CSMD1: variants seen among roughly 807,000 people sequenced by gnomAD.
CSMD1 encodes CUB and Sushi multiple domains 1, also known as CUB and sushi domain-containing protein 1.
Under a neutral mutation model 417.5 loss-of-function variants are expected in CSMD1, and 213 were observed. The observed-to-expected ratio is 0.51, with a 90% CI of 0.46 to 0.57. The LOEUF is 0.57. Ranked by LOEUF, CSMD1 falls within the 20% of genes least tolerant of loss-of-function variation. The probability of loss-of-function intolerance (pLI) is 0.00; values close to 1 mark genes in which losing one functional copy is unlikely to be tolerated. For synonymous variants in CSMD1, 2,862 were observed against 1,736.8 expected (o/e 1.65, Z -16.11); for missense variants, 6,923 against 4,529.7 (o/e 1.53, Z -15.17).
chr8:3,938,575 T>C (rs1026952033), intron 5 of CSMD1, among the ~76,000 whole-genome samples: 17 of 152,166 alleles, frequency 1.1e-4, no homozygotes, highest in African/African-American at 4.1e-4. Context: ...ATCTCTTTTT[T>C]TCAGGCATTT....
rs143519767 is a variant in CSMD1, at chr8:3,223,803, C to T, written c.4410G>A (p.Pro1470=). 1.3e-3 allele frequency: 2,178 copies of T among 1,613,762 alleles called. 32 individuals are homozygous for T. The South Asian group carries it at 0.02, about 14-fold the overall frequency. Residue 1470 remains proline (P), a synonymous_variant, in exon 28 of 70, where the codon CCG becomes CCA. Transcript: ENST00000635120. ...AGTCACATTCCTTCCCAGGAGGATA[C>T]GGCTGTGGGTAGTTGGGTGACAAAA... The part of the protein sequence containing the change: ...GVILSPNYPQ[P]YPPGKECDWR...
chr8:4,577,017 A>G (rs1799169164), intron 2 of CSMD1, among the ~76,000 whole-genome samples: 1 of 152,186 alleles, frequency 6.6e-6, no homozygotes, highest in South Asian at 2.1e-4. Context: ...CAGATATTAG[A>G]TCTTGAATTT....
intron 5 of CSMD1, among the ~76,000 whole-genome samples, chr8:3,966,924 C>G (rs2740822): frequency 1.3e-5 from 2 of 152,126 alleles, no homozygotes; most frequent in Admixed American, 6.5e-5. Context: ...AATTAAAAGG[C>G]TGGTCTTTAT....
intron 3 of CSMD1, among the ~76,000 whole-genome samples, chr8:4,068,666 GA>G (rs1563080803): frequency 6.6e-6 from 1 of 152,082 alleles, no homozygotes; most frequent in Non-Finnish European, 1.5e-5. Context: ...AAAAAAAATG[GA>G]AAAGATAAAA....
intron 5 of CSMD1, among the ~76,000 whole-genome samples, chr8:3,979,300 A>C (rs1413447853): frequency 6.6e-6 from 1 of 152,198 alleles, no homozygotes; most frequent in African/African-American, 2.4e-5. Flanking sequence ...TTCTGGATGT[A>C]GTAACAGAGG....
intron 5 of CSMD1, among the ~76,000 whole-genome samples, chr8:3,851,255 G>A (rs1003527304): frequency 6.6e-6 from 1 of 152,304 alleles, no homozygotes; most frequent in African/African-American, 2.4e-5. Flanking sequence ...AGACAAGGGT[G>A]CATATCAGGG....
chr8:3,268,743 C>A (rs139621167), intron 26 of CSMD1, among the ~76,000 whole-genome samples: 22 of 152,202 alleles, frequency 1.4e-4, no homozygotes, highest in African/African-American at 5.3e-4. Flanking sequence ...CTGTTGTCTA[C>A]CTCTGCCTAC....
chr8:3,762,341 A>G (rs1363089810), intron 5 of CSMD1, among the ~76,000 whole-genome samples: 1 of 152,064 alleles, frequency 6.6e-6, no homozygotes, highest in Non-Finnish European at 1.5e-5. Flanking sequence ...ATTTCAGATC[A>G]TGTGTTGCAG....
chr8:3,418,832 G>T (rs979917942), intron 12 of CSMD1, among the ~76,000 whole-genome samples: 1 of 152,130 alleles, frequency 6.6e-6, no homozygotes, highest in Admixed American at 6.5e-5. Context: ...TTAAAGGATA[G>T]AATTTTTCCT....
chr8:4,380,034 G>A (rs999635269), intron 3 of CSMD1, among the ~76,000 whole-genome samples: 3 of 152,186 alleles, frequency 2.0e-5, no homozygotes, highest in African/African-American at 2.4e-5. Flanking sequence ...GTAGCCCAAG[G>A]TATAAATTAA....
intron 49 of CSMD1, among the ~76,000 whole-genome samples, 154 bp downstream of exon 49, chr8:3,086,943 G>A (rs902666273): frequency 1.3e-5 from 2 of 152,124 alleles, no homozygotes; most frequent in Admixed American, 6.5e-5. Flanking sequence ...AAGTTTGCAT[G>A]GCCACTAGAA....
chr8:3,350,964 TAGAC>T (rs1430048032), intron 21 of CSMD1, among the ~76,000 whole-genome samples: 1 of 152,200 alleles, frequency 6.6e-6, no homozygotes, highest in African/African-American at 2.4e-5. Context: ...TGACCCTGTA[TAGAC>T]AGACAATGCT....
intron 1 of CSMD1, among the ~76,000 whole-genome samples, chr8:4,929,666 A>G (rs1470141080): frequency 6.6e-6 from 1 of 152,164 alleles, no homozygotes; most frequent in African/African-American, 2.4e-5. Context: ...CATTCTACAC[A>G]TCTCCCAGAA....
At chr8:4,943,490 C>T (rs758922844) in intron 1 of CSMD1, among the ~76,000 whole-genome samples, 9 of 95,250 alleles carry the variant, frequency 9.4e-5, no homozygotes, top group East Asian at 4.8e-4. Context: ...AGTGAGACAC[C>T]GTCTCAAAAA....
At chr8:3,471,107 C>G (rs1817067970) in intron 11 of CSMD1, among the ~76,000 whole-genome samples, 1 of 152,202 alleles carries the variant, frequency 6.6e-6, no homozygotes, top group Non-Finnish European at 1.5e-5. Flanking sequence ...TTTCCCCAGA[C>G]TGTTTGTACA....
chr8:3,606,439 C>T (rs1186284083), intron 8 of CSMD1, among the ~76,000 whole-genome samples: 1 of 151,944 alleles, frequency 6.6e-6, no homozygotes, highest in Non-Finnish European at 1.5e-5. Context: ...TCTAAGTATA[C>T]CTAAACATAG....
chr8:3,601,635 G>C (rs1019128520), intron 8 of CSMD1, among the ~76,000 whole-genome samples: 1 of 152,190 alleles, frequency 6.6e-6, no homozygotes, highest in East Asian at 1.9e-4. Context: ...CTGTTCAGCA[G>C]CGTCAACAAA....
chr8:4,449,450 T>A (rs1397767583), intron 2 of CSMD1, among the ~76,000 whole-genome samples: 1 of 152,188 alleles, frequency 6.6e-6, no homozygotes, highest in Non-Finnish European at 1.5e-5. Flanking sequence ...CCAATTTTTG[T>A]TGATAATTCA....
chr8:4,081,370 C>G (rs57113112), intron 3 of CSMD1, among the ~76,000 whole-genome samples: 9 of 152,030 alleles, frequency 5.9e-5, no homozygotes, highest in African/African-American at 2.2e-4. Context: ...GAATTACAAA[C>G]TGTGATTTCT....
Sources: gnomAD v4.1 joint callset for allele counts (sites outside exome capture counted in the v4.1 genomes callset) on GRCh38, gnomAD v4.1.1 for gene constraint, MANE v1.5 for transcripts, NCBI Gene and HGNC (gene_info 2026-07-23, HGNC 2026-07-21) for gene names.